Variants in DCPS observed in about 807,000 individuals in gnomAD.
DCPS encodes decapping enzyme, scavenger, also known as m7GpppX diphosphatase.
DCPS carries 27 observed loss-of-function variants against 34.7 expected under a neutral mutation model. That is an observed-to-expected ratio of 0.78 (90% CI 0.57 to 1.07). The LOEUF (loss-of-function observed/expected upper bound fraction) is 1.07. Ranked by LOEUF, DCPS falls within the 50% of genes least tolerant of loss-of-function variation. The pLI is 0.00. For synonymous variants in DCPS, 185 were observed against 185.7 expected (o/e 1.00, Z 0.03); for missense variants, 464 against 436.9 (o/e 1.06, Z -0.55).
rs893678400 is a variant in DCPS at position 126,315,860 on chromosome 11, C to A, written c.376+9116C>A. Among the ~76,000 whole-genome samples, 1 of 151,964 alleles carries A rather than the reference C, an allele frequency of 6.6e-6. No homozygotes were observed. Among genetic ancestry groups the A allele is most frequent in the Admixed American group, 6.6e-5 (1 of 15,260 alleles). ...TCCCGAGTAGCTGGGATTACGGGTG[C>A]CTGCCACCACACCAGGCCAATTTTT... On this transcript the variant is annotated intron_variant, in intron 2 of 5. Transcript: ENST00000263579. The surrounding 1 kb of genome is among the most constrained non-coding windows in gnomAD (Gnocchi z 6.1).
rs146785704 is a variant in DCPS, at chr11:126,348,499, A to G, written c.*2886A>G. Among the ~76,000 whole-genome samples, 1,124 of 152,300 alleles carry G rather than the reference A, an allele frequency of 7.4e-3. 9 individuals are homozygous for G. The highest frequency in any genetic ancestry group is 0.015 in the South Asian group (70 of 4,826). On this transcript the variant is annotated 3_prime_UTR_variant, in exon 6 of 6. Coordinates refer to ENST00000263579, the MANE Select transcript of DCPS (RefSeq NM_014026.6). The surrounding 1 kb of genome is among the most constrained non-coding windows in gnomAD (Gnocchi z 5.3). ...AGGGACCCTGCCGGCCACGGCCCCCATGCAGCTCCCTCCCTCAATCCAACC... is the reference window on the plus strand; with the variant it reads ...AGGGACCCTGCCGGCCACGGCCCCCGTGCAGCTCCCTCCCTCAATCCAACC...
At position 126,313,900 on chromosome 11, in the gene DCPS, A is replaced by G. The variant is rs683739; in HGVS notation, c.376+7156A>G. 0.2 allele frequency among the ~76,000 whole-genome samples: 31,161 copies of G among 152,230 alleles called. 4,113 individuals are homozygous for G. Among genetic ancestry groups the G allele is most frequent in the East Asian group, 0.65 (3,339 of 5,168 alleles). ...ATAATGTATTTCCCAGTTGAAAGGT[A>G]AGACAAATTGGCAGGTCCTTAGATG... is the stretch of plus-strand genomic sequence containing the variant. On this transcript the variant is annotated intron_variant, in intron 2 of 5. Coordinates refer to ENST00000263579, the MANE Select transcript of DCPS (RefSeq NM_014026.6). The surrounding 1 kb of genome is among the most constrained non-coding windows in gnomAD (Gnocchi z 4.9).
rs571902605 is a variant in DCPS at position 126,329,827 on chromosome 11, G to A, written c.377-1578G>A. 4.9e-4 allele frequency among the ~76,000 whole-genome samples: 74 copies of A among 152,254 alleles called. No homozygotes were observed. The South Asian group carries it at 0.015, about 31-fold the overall frequency. The stretch of plus-strand genomic sequence containing the variant: ...TTGATAGTTCTTAGCCGGGTTTTGC[G>A]GTGTGTGAGTGAGTATGAGGACTTC... On this transcript the variant is annotated intron_variant, in intron 2 of 5. Coordinates refer to ENST00000263579, the MANE Select transcript of DCPS (RefSeq NM_014026.6). This position sits in a 1 kb window ranked among gnomAD's most constrained non-coding sequence, Gnocchi z 5.0.
rs1951710124 is a variant in DCPS, at chr11:126,322,018, G to A, written c.377-9387G>A. Among the ~76,000 whole-genome samples the A allele has an allele frequency of 6.6e-6, 1 of 152,134 alleles. No individual in the cohort carries two copies. Among genetic ancestry groups the A allele is most frequent in the Admixed American group, 6.6e-5 (1 of 15,266 alleles). Reference sequence around the variant, plus strand: ...CAAATGGGTGTTGCAGAAAGAAAAGGCAGAGAAAATGAAGAAGAAAGGTCT... The same window carrying A: ...CAAATGGGTGTTGCAGAAAGAAAAGACAGAGAAAATGAAGAAGAAAGGTCT... On this transcript the variant is annotated intron_variant, in intron 2 of 5. Coordinates refer to ENST00000263579, the MANE Select transcript of DCPS (RefSeq NM_014026.6). This position sits in a 1 kb window ranked among gnomAD's most constrained non-coding sequence, Gnocchi z 4.2.
chr11:126,306,895 A>G, intron 2 of DCPS, 151 bp downstream of exon 2: 1 of 999,946 alleles, frequency 1.0e-6, no homozygotes, highest in Non-Finnish European at 1.4e-6. Context: ...CCATCGGTGA[A>G]GACATTTTTG....
At chr11:126,326,880 G>A (rs905455716) in intron 2 of DCPS, among the ~76,000 whole-genome samples, 8 of 151,080 alleles carry the variant, frequency 5.3e-5, no homozygotes, top group East Asian at 2.0e-4. Context: ...CCGAGATCAC[G>A]CCACTGCACT....
chr11:126,318,277 T>C (rs1409905836), intron 2 of DCPS, among the ~76,000 whole-genome samples: 1 of 152,212 alleles, frequency 6.6e-6, no homozygotes, highest in African/African-American at 2.4e-5. Context: ...CCTTCAGCCG[T>C]GTTTATCCTT....
intron 2 of DCPS, among the ~76,000 whole-genome samples, chr11:126,311,952 C>T (rs73017394): frequency 2.2e-3 from 331 of 152,118 alleles, no homozygotes; most frequent in African/African-American, 7.4e-3. Flanking sequence ...GTTTTTGAGA[C>T]GGAGTTTTGC....
Position 126,345,302 on chromosome 11 carries a change from C to T in DCPS, c.748-45C>T. On this transcript the variant is annotated intron_variant, in intron 5 of 5. Coordinates refer to ENST00000263579, the MANE Select transcript of DCPS (RefSeq NM_014026.6). The surrounding 1 kb of genome is among the most constrained non-coding windows in gnomAD (Gnocchi z 7.4). ...TAGGTGGGGACATGGCGCCGGGCCT[C>T]AGGCAGCACGGTGACTCCTGACCTG... 1 of 1,606,642 alleles carries T rather than the reference C, an allele frequency of 6.2e-7. No individual in the cohort carries two copies. The highest frequency in any genetic ancestry group is 8.5e-7 in the Non-Finnish European group (1 of 1,176,322).
intron 2 of DCPS, among the ~76,000 whole-genome samples, chr11:126,314,867 C>T (rs1292092270): frequency 6.6e-6 from 1 of 152,056 alleles, no homozygotes; most frequent in Non-Finnish European, 1.5e-5. Flanking sequence ...AAAGGTTATA[C>T]ATTAGGTACA....
At position 126,347,685 on chromosome 11, in the gene DCPS, T is replaced by C. The variant is rs1239667334; in HGVS notation, c.*2072T>C. Among the ~76,000 whole-genome samples, 1 of 152,144 alleles carries C rather than the reference T, an allele frequency of 6.6e-6. No individual in the cohort carries two copies. The highest frequency in any genetic ancestry group is 1.5e-5 in the Non-Finnish European group (1 of 68,006). On this transcript the variant is annotated 3_prime_UTR_variant, in exon 6 of 6. Coordinates refer to ENST00000263579, the MANE Select transcript of DCPS (RefSeq NM_014026.6). The surrounding 1 kb of genome is among the most constrained non-coding windows in gnomAD (Gnocchi z 4.2). Reference sequence around the variant, plus strand: ...CTCCTTCTTGGGCTAAGCAAATACTTTTGTGGGCAGTGACACTGGCAGCTG... The same window carrying C: ...CTCCTTCTTGGGCTAAGCAAATACTCTTGTGGGCAGTGACACTGGCAGCTG...
rs896435678 is a variant in DCPS at position 126,347,543 on chromosome 11, C to G, written c.*1930C>G. ...CCAGCCCCTGCAATACGTCAACAGT[C>G]CCTAGATTCAGGCAACATGGAGTTG... On this transcript the variant is annotated 3_prime_UTR_variant, in exon 6 of 6. Transcript: ENST00000263579. The surrounding 1 kb of genome is among the most constrained non-coding windows in gnomAD (Gnocchi z 4.2). Among the ~76,000 whole-genome samples, 6 of 152,176 alleles carry G rather than the reference C, an allele frequency of 3.9e-5. No individual in the cohort carries two copies. Among genetic ancestry groups the G allele is most frequent in the African/African-American group, 1.2e-4 (5 of 41,438 alleles).
At chr11:126,305,056 C>A (rs1951552314) in intron 1 of DCPS, among the ~76,000 whole-genome samples, 1 of 152,188 alleles carries the variant, frequency 6.6e-6, no homozygotes, top group South Asian at 2.1e-4. Context: ...GATCAGGGAA[C>A]CTTGGCCTAG....
Position 126,323,919 on chromosome 11 carries a change from C to T in DCPS, c.377-7486C>T, listed in dbSNP as rs1479888230. On this transcript the variant is annotated intron_variant, in intron 2 of 5. Transcript: ENST00000263579. The surrounding 1 kb of genome is among the most constrained non-coding windows in gnomAD (Gnocchi z 4.4). ...CATCTCGGCTCACCGCAACCTCTAC[C>T]TCCCAGGTTCAAGCGATTCTTCCGC... is the stretch of plus-strand genomic sequence containing the variant. 6.6e-6 allele frequency among the ~76,000 whole-genome samples: 1 copy of T among 152,104 alleles called. No individual in the cohort carries two copies. Among genetic ancestry groups the T allele is most frequent in the African/African-American group, 2.4e-5 (1 of 41,406 alleles).
At position 126,330,070 on chromosome 11, in the gene DCPS, G is replaced by A. The variant is rs184782814; in HGVS notation, c.377-1335G>A. On this transcript the variant is annotated intron_variant, in intron 2 of 5. Coordinates refer to ENST00000263579, the MANE Select transcript of DCPS (RefSeq NM_014026.6). ...CAGATGTTTTTAAAAATAAAGGAAA[G>A]GACTTAACCAAAACCAGGTGGTTTT... 1.9e-3 allele frequency among the ~76,000 whole-genome samples: 288 copies of A among 152,256 alleles called. 2 individuals are homozygous for A. Among genetic ancestry groups the A allele is most frequent in the African/African-American group, 6.6e-3 (274 of 41,536 alleles).
intron 2 of DCPS, among the ~76,000 whole-genome samples, chr11:126,311,277 C>T (rs191273157): frequency 5.3e-5 from 8 of 152,374 alleles, no homozygotes; most frequent in Admixed American, 5.2e-4. Context: ...GAACAAGCCT[C>T]ACGTCAGGCA....
Position 126,345,750 on chromosome 11 carries a change from C to A in DCPS, c.*137C>A. 7.4e-7 allele frequency: 1 copy of A among 1,352,436 alleles called. No individual in the cohort carries two copies. The highest frequency in any genetic ancestry group is 1.0e-6 in the Non-Finnish European group (1 of 1,004,924). 83.8% of individuals were successfully genotyped at this position (1,352,436 alleles called of 1,614,324 possible). The stretch of plus-strand genomic sequence containing the variant: ...AGTATTGAATAAACTAGCGGGCTCA[C>A]TCAGTGTGGACAGCGTGGCCTGGGA... On this transcript the variant is annotated 3_prime_UTR_variant, in exon 6 of 6. Transcript: ENST00000263579. This position sits in a 1 kb window ranked among gnomAD's most constrained non-coding sequence, Gnocchi z 7.4.
Position 126,338,662 on chromosome 11 carries a change from A to G in DCPS, c.636+263A>G, listed in dbSNP as rs527242141. On this transcript the variant is annotated intron_variant, in intron 4 of 5. Transcript: ENST00000263579. This position sits in a 1 kb window ranked among gnomAD's most constrained non-coding sequence, Gnocchi z 5.4. ...GGGTGATGTTTGTGCCCATGACTAC[A>G]TAGGCCATTCCTTACCAGCCAAGTG... Among the ~76,000 whole-genome samples, 2 of 152,284 alleles carry G rather than the reference A, an allele frequency of 1.3e-5. No individual in the cohort carries two copies. The highest frequency in any genetic ancestry group is 4.1e-4 in the South Asian group (2 of 4,820).
rs2135328196 is a variant in DCPS at position 126,332,539 on chromosome 11, C to T, written c.522+989C>T. On this transcript the variant is annotated intron_variant, in intron 3 of 5. Transcript: ENST00000263579. The surrounding 1 kb of genome is among the most constrained non-coding windows in gnomAD (Gnocchi z 5.4). ...AGGGTGTTGTGATGTGAGGAACTCA[C>T]AGCCACTCCTCCCTGGCCCAGAAGA... Among the ~76,000 whole-genome samples the T allele has an allele frequency of 6.6e-6, 1 of 152,306 alleles. No individual in the cohort carries two copies.
Sources: gnomAD v4.1 joint callset for allele counts (sites outside exome capture counted in the v4.1 genomes callset) on GRCh38, gnomAD v4.1.1 for gene constraint, Gnocchi (gnomAD v3.1) non-coding constraint, MANE v1.5 for transcripts, NCBI Gene and HGNC (gene_info 2026-07-23, HGNC 2026-07-21) for gene names.